Variants in CSMD3 observed in about 807,000 individuals in gnomAD.
The protein encoded by CSMD3 is CUB and sushi domain-containing protein 3.
CSMD3 carries 177 observed loss-of-function variants against 435.2 expected under a neutral mutation model. The observed-to-expected ratio is 0.41, with a 90% CI of 0.36 to 0.46. CSMD3 has a LOEUF of 0.46. Ranked by LOEUF, CSMD3 falls within the 20% of genes least tolerant of loss-of-function variation. The pLI is 0.34. For synonymous variants in CSMD3, 1,656 were observed against 1,520.5 expected, an observed-to-expected ratio of 1.09 and a Z score of -2.07; for missense variants, 4,265 against 4,504.6, an observed-to-expected ratio of 0.95 and a Z score of 1.52.
chr8:112,953,255 T>C (rs967437225), intron 8 of CSMD3, among the ~76,000 whole-genome samples: 1 of 151,554 alleles, frequency 6.6e-6, no homozygotes, highest in Non-Finnish European at 1.5e-5. Context: ...TTTTATTTCA[T>C]GATGACCTGA....
intron 3 of CSMD3, among the ~76,000 whole-genome samples, chr8:113,224,502 C>T (rs946134700): frequency 2.6e-5 from 4 of 151,328 alleles, no homozygotes; most frequent in African/African-American, 9.6e-5. Context: ...TTTGTATTTT[C>T]ATTTAATCTA....
At chr8:112,263,610 T>G (rs766568589) in intron 61 of CSMD3, 29 bp downstream of exon 61, 1 of 1,603,856 alleles carries the variant, frequency 6.2e-7, no homozygotes, top group Non-Finnish European at 8.5e-7. Flanking sequence ...AAATTTTAAG[T>G]AACAGTTGTT....
At chr8:113,275,907 T>C (rs1169512408) in intron 3 of CSMD3, among the ~76,000 whole-genome samples, 1 of 152,078 alleles carries the variant, frequency 6.6e-6, no homozygotes, top group African/African-American at 2.4e-5. Flanking sequence ...TTAGTAGATC[T>C]ATTTTACTGT....
chr8:112,232,056 T>C (rs1586467499), intron 68 of CSMD3, among the ~76,000 whole-genome samples: 1 of 152,174 alleles, frequency 6.6e-6, no homozygotes, highest in Non-Finnish European at 1.5e-5. Flanking sequence ...TGTGACTTGC[T>C]TGGGCCTATG....
At chr8:113,030,752 G>T (rs2087073394) in intron 5 of CSMD3, among the ~76,000 whole-genome samples, 1 of 151,278 alleles carries the variant, frequency 6.6e-6, no homozygotes, top group East Asian at 1.9e-4. Context: ...TAAAAAAAAA[G>T]TGTTAATATA....
intron 22 of CSMD3, among the ~76,000 whole-genome samples, chr8:112,605,928 G>A (rs1832757483): frequency 6.6e-6 from 1 of 152,014 alleles, no homozygotes; most frequent in Admixed American, 6.6e-5. Flanking sequence ...ATTCTAATAA[G>A]TTTAGGCCTT....
chr8:112,651,541 A>ATTT (rs1254096334), intron 18 of CSMD3, among the ~76,000 whole-genome samples: 142 of 137,300 alleles, frequency 1.0e-3, no homozygotes, highest in African/African-American at 3.7e-3. Flanking sequence ...CACCCAGTGC[A>ATTT]TTTTTTTTTT....
intron 59 of CSMD3, among the ~76,000 whole-genome samples, chr8:112,265,848 T>C (rs1373531765): frequency 6.6e-6 from 1 of 152,180 alleles, no homozygotes; most frequent in African/African-American, 2.4e-5. Context: ...TATGCCATTA[T>C]GTTGTAGTGA....
At chr8:113,204,249 C>A (rs1486631490) in intron 3 of CSMD3, among the ~76,000 whole-genome samples, 1 of 152,082 alleles carries the variant, frequency 6.6e-6, no homozygotes, top group African/African-American at 2.4e-5. Context: ...TTCACTGACA[C>A]ATTTCACAGG....
At chr8:113,001,548 T>C (rs1375024495) in intron 6 of CSMD3, among the ~76,000 whole-genome samples, 1 of 152,106 alleles carries the variant, frequency 6.6e-6, no homozygotes, top group South Asian at 2.1e-4. Flanking sequence ...CTGCCTAATC[T>C]AGATCCTACA....
At chr8:112,460,139 T>G (rs1250818205) in intron 32 of CSMD3, among the ~76,000 whole-genome samples, 4 of 152,108 alleles carry the variant, frequency 2.6e-5, no homozygotes, top group African/African-American at 7.2e-5. Flanking sequence ...TTTAATTTTC[T>G]AATTCCTTTT....
At chr8:113,282,940 A>C (rs1398300165) in intron 2 of CSMD3, among the ~76,000 whole-genome samples, 1 of 152,148 alleles carries the variant, frequency 6.6e-6, no homozygotes, top group Non-Finnish European at 1.5e-5. Flanking sequence ...AAATACTTAC[A>C]GCCAACTGAT....
intron 10 of CSMD3, among the ~76,000 whole-genome samples, chr8:112,869,928 T>C (rs1031810236): frequency 9.9e-5 from 15 of 152,036 alleles, no homozygotes; most frequent in Non-Finnish European, 2.1e-4. Context: ...ATACATAATG[T>C]ATGCAGGGCT....
rs565046233 is a variant in CSMD3 at position 113,215,560 on chromosome 8, C to G, written c.515-41644G>C. On this transcript the variant is annotated intron_variant, in intron 3 of 70. Transcript: ENST00000297405. Reference sequence around the variant, plus strand: ...CAAAGGTAAAATAATTTCAGACAGACTTTGGATCATTAACTTGTGACTGCA... The same window carrying G: ...CAAAGGTAAAATAATTTCAGACAGAGTTTGGATCATTAACTTGTGACTGCA... Among the ~76,000 whole-genome samples the G allele has an allele frequency of 2.6e-5, 4 of 151,962 alleles. No individual in the cohort carries two copies. The East Asian group carries it at 5.8e-4, about 22-fold the overall frequency.
intron 1 of CSMD3, among the ~76,000 whole-genome samples, chr8:113,349,805 T>C (rs937985821): frequency 3.3e-5 from 5 of 152,000 alleles, no homozygotes; most frequent in East Asian, 1.9e-4. Context: ...GTATGGTAGA[T>C]TGTCTTCAAA....
intron 5 of CSMD3, among the ~76,000 whole-genome samples, chr8:113,097,959 G>A (rs370769876): frequency 6.6e-6 from 1 of 151,818 alleles, no homozygotes; most frequent in East Asian, 1.9e-4. Context: ...TCCAGCTACC[G>A]TGATCTTTTC....
At chr8:113,135,173 T>C (rs764728984) in intron 4 of CSMD3, among the ~76,000 whole-genome samples, 37 of 151,964 alleles carry the variant, frequency 2.4e-4, no homozygotes, top group Non-Finnish European at 4.7e-4. Context: ...ATTGTATACC[T>C]GACACATATT....
intron 1 of CSMD3, among the ~76,000 whole-genome samples, chr8:113,341,936 T>C (rs181801547): frequency 4.4e-4 from 67 of 152,242 alleles, no homozygotes; most frequent in African/African-American, 1.2e-3. Flanking sequence ...TCTGAGCTCA[T>C]TGGGCTCTTT....
At chr8:113,212,513 T>G (rs2092848708) in intron 3 of CSMD3, among the ~76,000 whole-genome samples, 1 of 152,120 alleles carries the variant, frequency 6.6e-6, no homozygotes, top group Non-Finnish European at 1.5e-5. Context: ...CATGCTATAT[T>G]AAATACTAAT....
Sources: allele counts gnomAD v4.1 joint callset (sites outside exome capture counted in the v4.1 genomes callset), GRCh38; gene constraint gnomAD v4.1.1; transcripts MANE v1.5; gene names NCBI Gene and HGNC (gene_info 2026-07-23, HGNC 2026-07-21).